Variants in PRLR observed in about 807,000 individuals in gnomAD.
The protein encoded by PRLR is hPRL receptor.
In PRLR, 13 loss-of-function variants were observed where a neutral mutation model predicts 40.2. That is an observed-to-expected ratio of 0.32 (90% confidence interval 0.21 to 0.51). PRLR has a LOEUF of 0.51. PRLR is among the 20% of genes least tolerant of loss of function. The probability of loss-of-function intolerance (pLI) is 0.97; values close to 1 mark genes in which losing one functional copy is unlikely to be tolerated. For missense variants in PRLR, 656 were observed against 747.3 expected (o/e 0.88, Z 1.42); for synonymous variants, 269 against 278.7 (o/e 0.97, Z 0.35).
chr5:35,137,942 A>G (rs1773909238), intron 1 of PRLR, among the ~76,000 whole-genome samples: 1 of 152,212 alleles, frequency 6.6e-6, no homozygotes, highest in African/African-American at 2.4e-5. Context: ...CTCAAAGCAA[A>G]ATAAAGGGTT....
intron 2 of PRLR, among the ~76,000 whole-genome samples, chr5:35,094,927 A>T (rs915169547): frequency 2.7e-5 from 4 of 149,336 alleles, no homozygotes; most frequent in Admixed American, 1.4e-4. Context: ...TCCCTGGGTC[A>T]GGTGATTCTC....
At chr5:35,226,711 A>T (rs1340492647) in intron 1 of PRLR, among the ~76,000 whole-genome samples, 1 of 152,212 alleles carries the variant, frequency 6.6e-6, no homozygotes, top group Non-Finnish European at 1.5e-5. Flanking sequence ...CCCTGTTGAA[A>T]GTTGCTCCCA....
intron 1 of PRLR, among the ~76,000 whole-genome samples, chr5:35,137,044 T>C (rs1409611537): frequency 1.3e-5 from 2 of 152,110 alleles, no homozygotes; most frequent in Non-Finnish European, 2.9e-5. Context: ...AAGTGATGCT[T>C]CAATAATGTC....
At chr5:35,189,742 A>T (rs1775549319) in intron 1 of PRLR, among the ~76,000 whole-genome samples, 2 of 152,100 alleles carry the variant, frequency 1.3e-5, no homozygotes, top group Non-Finnish European at 2.9e-5. Flanking sequence ...ACTGGGTGCA[A>T]GCCCCTGACC....
rs183703887 is a variant in PRLR, at chr5:35,100,802, G to C, written c.-43-11139C>G. ...CTCTATTTCTCTCTCCTCCATTACT[G>C]GCCTGAAGAAGATGAAATTGAGGAC... On this transcript the variant is annotated intron_variant, in intron 2 of 9. Coordinates refer to ENST00000618457, the MANE Select transcript of PRLR (RefSeq NM_000949.7). Among the ~76,000 whole-genome samples, 10 of 152,166 alleles carry C rather than the reference G, an allele frequency of 6.6e-5. No homozygotes were observed. In the East Asian group the frequency reaches 1.9e-3, roughly 29 times the overall value.
At chr5:35,167,163 A>G (rs1774861387) in intron 1 of PRLR, among the ~76,000 whole-genome samples, 1 of 151,700 alleles carries the variant, frequency 6.6e-6, no homozygotes, top group Non-Finnish European at 1.5e-5. Flanking sequence ...CTATCTATCT[A>G]TCTATCTATC....
chr5:35,107,955 C>T (rs1772382120), intron 2 of PRLR, among the ~76,000 whole-genome samples: 1 of 152,166 alleles, frequency 6.6e-6, no homozygotes, highest in South Asian at 2.1e-4. Context: ...CCTTGATGAA[C>T]ATCGATGCAA....
chr5:35,149,861 C>CTT (rs1049999522), intron 1 of PRLR, among the ~76,000 whole-genome samples: 1 of 146,186 alleles, frequency 6.8e-6, no homozygotes. Context: ...ACTACCTAGT[C>CTT]TTTTTTTTTT....
At chr5:35,053,357 T>G (rs1020367285), downstream of PRLR, among the ~76,000 whole-genome samples, 1 of 152,172 alleles carries the variant, frequency 6.6e-6, no homozygotes, top group Non-Finnish European at 1.5e-5. Flanking sequence ...AGATCAGTAT[T>G]AAAACATCAG....
chr5:35,220,647 T>G (rs1358728096), intron 1 of PRLR, among the ~76,000 whole-genome samples: 1 of 152,220 alleles, frequency 6.6e-6, no homozygotes, highest in African/African-American at 2.4e-5. Flanking sequence ...CCAGCTCCTA[T>G]AATGGGTCCT....
intron 1 of PRLR, among the ~76,000 whole-genome samples, chr5:35,164,082 T>C (rs1774751715): frequency 6.6e-6 from 1 of 152,240 alleles, no homozygotes; most frequent in Non-Finnish European, 1.5e-5. Flanking sequence ...TTTTAAGCCG[T>C]CAGTCACGTC....
At chr5:35,049,326 A>G in exon 9 of PRLR, 1 of 703,234 alleles carries the variant, frequency 1.4e-6, no homozygotes, top group Non-Finnish European at 2.6e-6. Flanking sequence ...TGAACACCGC[A>G]AGTCTTCCTT....
At chr5:35,068,161 G>C in intron 9 of PRLR, 55 bp downstream of exon 9, 1 of 1,464,314 alleles carries the variant, frequency 6.8e-7, no homozygotes, top group Non-Finnish European at 9.6e-7. Context: ...AGTGTGTAGA[G>C]TTAATTACTA....
intron 4 of PRLR, among the ~76,000 whole-genome samples, chr5:35,085,889 C>G (rs963495338): frequency 6.6e-6 from 1 of 152,062 alleles, no homozygotes; most frequent in African/African-American, 2.4e-5. Context: ...GTGACAGAAA[C>G]AGATTGATGG....
intron 1 of PRLR, among the ~76,000 whole-genome samples, chr5:35,217,218 CACTGGGGGCCTAAGTGA>C (rs1233738202): frequency 4.6e-5 from 7 of 152,174 alleles, no homozygotes; most frequent in African/African-American, 1.7e-4. Flanking sequence ...TACATGCCAA[CACTGGGGGCCTAAGTGA>C]ACCCCAACAT....
chr5:35,179,985 A>C (rs1775249942), intron 1 of PRLR, among the ~76,000 whole-genome samples: 1 of 152,176 alleles, frequency 6.6e-6, no homozygotes, highest in African/African-American at 2.4e-5. Context: ...CATAATGTAA[A>C]ATCAGTGGGA....
chr5:35,068,153 T>A, intron 9 of PRLR, 63 bp downstream of exon 9: 1 of 1,401,976 alleles, frequency 7.1e-7, no homozygotes, highest in South Asian at 1.2e-5. Context: ...TGTGTGTGAG[T>A]GTGTAGAGTT....
chr5:35,102,635 C>T (rs565067156), intron 2 of PRLR, among the ~76,000 whole-genome samples: 38 of 151,720 alleles, frequency 2.5e-4, no homozygotes, highest in African/African-American at 7.5e-4. Context: ...CTCCAATGCC[C>T]GGGTTCAAGA....
At chr5:35,069,603 GTACAGGCTTTGTAAGCTGTAAAGCATTT>G (rs1769611482) in intron 7 of PRLR, among the ~76,000 whole-genome samples, 1 of 152,176 alleles carries the variant, frequency 6.6e-6, no homozygotes. Context: ...ACCAAATAAG[GTACAGGCTTTGTAAGCTGTAAAGCATTT>G]TAAAAATGCA....
Sources: allele counts gnomAD v4.1 joint callset (sites outside exome capture counted in the v4.1 genomes callset), GRCh38; gene constraint gnomAD v4.1.1; transcripts MANE v1.5; gene names NCBI Gene and HGNC (gene_info 2026-07-23, HGNC 2026-07-21).